Variants in MAD1L1 observed in about 807,000 individuals in gnomAD.
MAD1L1 encodes the protein mitotic spindle assembly checkpoint protein MAD1.
Under a neutral mutation model 96.9 loss-of-function variants are expected in MAD1L1, and 95 were observed. That is an observed-to-expected ratio of 0.98 (90% CI 0.83 to 1.16). The LOEUF is 1.16. MAD1L1 is among the 50% of genes most tolerant of loss of function. The probability of loss-of-function intolerance (pLI) is 0.00; values close to 1 mark genes in which losing one functional copy is unlikely to be tolerated. For missense variants in MAD1L1, 1,007 were observed against 954.4 expected, an observed-to-expected ratio of 1.06 and a Z score of -0.73; for synonymous variants, 473 against 396.6, an observed-to-expected ratio of 1.19 and a Z score of -2.29.
At chr7:1,964,094 AAGG>A (rs1325080468) in intron 15 of MAD1L1, among the ~76,000 whole-genome samples, 1 of 152,166 alleles carries the variant, frequency 6.6e-6, no homozygotes, top group Non-Finnish European at 1.5e-5. Flanking sequence ...CAGAGCTGGT[AAGG>A]GGCCTGGCCG....
intron 11 of MAD1L1, among the ~76,000 whole-genome samples, chr7:2,085,786 C>T (rs900009144): frequency 2.0e-5 from 3 of 152,162 alleles, no homozygotes; most frequent in Non-Finnish European, 4.4e-5. Context: ...AACGATGACA[C>T]GAGTGTTCGT....
intron 10 of MAD1L1, among the ~76,000 whole-genome samples, chr7:2,188,988 A>C (rs1221397917): frequency 6.6e-6 from 1 of 152,202 alleles, no homozygotes; most frequent in Non-Finnish European, 1.5e-5. Context: ...CAACAATGAA[A>C]ATAACGCGAT....
At chr7:1,829,117 G>A (rs570469984) in intron 18 of MAD1L1, among the ~76,000 whole-genome samples, 11 of 152,242 alleles carry the variant, frequency 7.2e-5, no homozygotes, top group Admixed American at 2.6e-4. Context: ...GCTGTGGGGC[G>A]ACGTCACATG....
At chr7:2,116,580 G>GA (rs1562702978) in intron 11 of MAD1L1, among the ~76,000 whole-genome samples, 2 of 148,702 alleles carry the variant, frequency 1.3e-5, no homozygotes, top group South Asian at 2.2e-4. Flanking sequence ...GGGGGGGGGG[G>GA]GCTCCTGTGT....
intron 16 of MAD1L1, among the ~76,000 whole-genome samples, chr7:1,951,528 C>T (rs2128471460): frequency 6.6e-6 from 1 of 152,318 alleles, no homozygotes; most frequent in South Asian, 2.1e-4. Context: ...CCACCACAGC[C>T]CATTCCCAGA....
chr7:1,963,758 C>T (rs1265090379), intron 15 of MAD1L1, among the ~76,000 whole-genome samples: 1 of 152,218 alleles, frequency 6.6e-6, no homozygotes, highest in Non-Finnish European at 1.5e-5. Context: ...GGCACTCCCA[C>T]TCACACCAAC....
chr7:1,911,999 C>T (rs546782132), intron 17 of MAD1L1, among the ~76,000 whole-genome samples: 1 of 152,242 alleles, frequency 6.6e-6, no homozygotes. Flanking sequence ...GGGCTGGGTT[C>T]CACATCCCCT....
At chr7:1,845,909 CAA>C (rs990703871) in intron 18 of MAD1L1, 1 of 152,656 alleles carries the variant, frequency 6.6e-6, no homozygotes, top group Non-Finnish European at 1.5e-5. Context: ...GCCTCGGGGA[CAA>C]AGCTGTGTCA....
intron 11 of MAD1L1, among the ~76,000 whole-genome samples, chr7:2,105,047 G>A (rs1177222990): frequency 2.0e-5 from 3 of 152,302 alleles, no homozygotes; most frequent in East Asian, 3.9e-4. Context: ...GTCAGAGCCC[G>A]GCTTCCCCAG....
chr7:1,978,358 T>TGA, intron 15 of MAD1L1, among the ~76,000 whole-genome samples: 1 of 152,330 alleles, frequency 6.6e-6, no homozygotes, highest in South Asian at 2.1e-4. Context: ...AGGGTGTGTG[T>TGA]GGGAGGCATA....
chr7:2,024,071 T>G (rs1428505791), intron 12 of MAD1L1, among the ~76,000 whole-genome samples: 1 of 151,298 alleles, frequency 6.6e-6, no homozygotes, highest in African/African-American at 2.4e-5. Context: ...AGCTGGTTCC[T>G]TAAAATTCAT....
At chr7:1,887,521 G>A (rs148917980) in intron 18 of MAD1L1, among the ~76,000 whole-genome samples, 35 of 149,594 alleles carry the variant, frequency 2.3e-4, no homozygotes, top group East Asian at 3.9e-4. Context: ...CTGCCTGTGC[G>A]TGTGTGTCTG....
intron 18 of MAD1L1, among the ~76,000 whole-genome samples, chr7:1,885,620 C>T (rs920577447): frequency 2.6e-5 from 4 of 152,188 alleles, no homozygotes; most frequent in African/African-American, 4.8e-5. Context: ...CCCAAATGTC[C>T]GGCCTTCAAC....
chr7:1,916,351 G>A (rs1400458895), intron 17 of MAD1L1, among the ~76,000 whole-genome samples: 1 of 152,180 alleles, frequency 6.6e-6, no homozygotes, highest in African/African-American at 2.4e-5. Context: ...CCAAAAAGTG[G>A]AACCACCCAG....
chr7:1,860,918 C>G (rs1301396283), intron 18 of MAD1L1, among the ~76,000 whole-genome samples: 1 of 152,184 alleles, frequency 6.6e-6, no homozygotes, highest in East Asian at 1.9e-4. Context: ...ACAGGCCGGC[C>G]GTCAAATCTC....
chr7:1,872,920 G>A (rs1271883449), intron 18 of MAD1L1, among the ~76,000 whole-genome samples: 7 of 152,242 alleles, frequency 4.6e-5, no homozygotes, highest in African/African-American at 9.6e-5. Context: ...TGGGGGGCGC[G>A]TCAGAAGGAG....
At chr7:1,979,073 T>G (rs1780776072) in intron 15 of MAD1L1, among the ~76,000 whole-genome samples, 2 of 152,236 alleles carry the variant, frequency 1.3e-5, no homozygotes, top group Non-Finnish European at 2.9e-5. Context: ...GCCCTTTTCC[T>G]GCTTTACTCT....
chr7:2,044,895 GAACAA>G (rs1025291628), intron 12 of MAD1L1, among the ~76,000 whole-genome samples: 37 of 152,236 alleles, frequency 2.4e-4, no homozygotes, highest in Middle Eastern at 3.4e-3. Context: ...GCAACAGCAT[GAACAA>G]AACCCGAGCC....
At chr7:1,866,957 G>A (rs545132795) in intron 18 of MAD1L1, among the ~76,000 whole-genome samples, 1 of 152,338 alleles carries the variant, frequency 6.6e-6, no homozygotes, top group South Asian at 2.1e-4. Context: ...TAGGGATGGG[G>A]AGGTGCAGCT....
Sources: allele counts gnomAD v4.1 joint callset (sites outside exome capture counted in the v4.1 genomes callset), GRCh38; gene constraint gnomAD v4.1.1; transcripts MANE v1.5; gene names NCBI Gene and HGNC (gene_info 2026-07-23, HGNC 2026-07-21).